Variants in SPAG17 observed in about 807,000 individuals in gnomAD.
SPAG17 encodes sperm associated antigen 17.
Under a neutral mutation model 273.6 loss-of-function variants are expected in SPAG17, and 169 were observed. The ratio of observed to expected loss-of-function variants is 0.62; its 90% CI spans 0.55 to 0.70. SPAG17 has a LOEUF of 0.70. Ranked by LOEUF, SPAG17 falls within the 30% of genes least tolerant of loss-of-function variation. The pLI is 0.00. For synonymous variants in SPAG17, 825 were observed against 873.2 expected, an observed-to-expected ratio of 0.94 and a Z score of 0.97; for missense variants, 2,557 against 2,627.8, an observed-to-expected ratio of 0.97 and a Z score of 0.59.
intron 29 of SPAG17, among the ~76,000 whole-genome samples, chr1:118,013,403 T>C (rs527589481): frequency 4.3e-4 from 65 of 152,262 alleles, no homozygotes; most frequent in African/African-American, 1.5e-3. Flanking sequence ...TAGGTTCTTA[T>C]CATTGGTGCT....
intron 30 of SPAG17, among the ~76,000 whole-genome samples, chr1:118,010,279 C>T (rs559135801): frequency 3.0e-5 from 4 of 132,852 alleles, no homozygotes; most frequent in East Asian, 4.1e-4. Context: ...TGGAGGCAAC[C>T]GTAACCGTGC....
intron 25 of SPAG17, 145 bp downstream of exon 25, chr1:118,031,547 A>C: frequency 1.2e-6 from 1 of 847,852 alleles, no homozygotes; most frequent in Non-Finnish European, 1.8e-6. Context: ...TTGTCTATTC[A>C]AAGTTGAGAC....
At chr1:118,123,024 T>G (rs1448374265) in intron 3 of SPAG17, among the ~76,000 whole-genome samples, 2 of 152,132 alleles carry the variant, frequency 1.3e-5, no homozygotes, top group African/African-American at 4.8e-5. Flanking sequence ...GAAGCAGAGA[T>G]AAAAAGAAAA....
intron 10 of SPAG17, among the ~76,000 whole-genome samples, chr1:118,089,215 T>C (rs1461315025): frequency 6.6e-6 from 1 of 152,094 alleles, no homozygotes; most frequent in African/African-American, 2.4e-5. Context: ...GATTGACACT[T>C]CTACTGGAGA....
intron 10 of SPAG17, among the ~76,000 whole-genome samples, chr1:118,089,164 A>C (rs1473938174): frequency 6.6e-6 from 1 of 152,158 alleles, no homozygotes; most frequent in Admixed American, 6.6e-5. Context: ...GTGTGGGGAG[A>C]GGGTTCTTTA....
chr1:118,159,488 ACTTAGGGTC>A (rs1659806884), intron 1 of SPAG17, among the ~76,000 whole-genome samples: 1 of 152,190 alleles, frequency 6.6e-6, no homozygotes, highest in Non-Finnish European at 1.5e-5. Context: ...GAATGAATAC[ACTTAGGGTC>A]CTTTTGTAAA....
At chr1:118,172,244 T>A (rs557133912) in intron 1 of SPAG17, among the ~76,000 whole-genome samples, 1 of 152,326 alleles carries the variant, frequency 6.6e-6, no homozygotes, top group Admixed American at 6.5e-5. Context: ...AAAAGCTTTA[T>A]CATAAAGTAA....
chr1:118,118,627 A>C (rs1657238362), intron 3 of SPAG17, among the ~76,000 whole-genome samples: 1 of 152,306 alleles, frequency 6.6e-6, no homozygotes, highest in East Asian at 1.9e-4. Flanking sequence ...TGACCTCTTC[A>C]GGTCAGCTCT....
At chr1:118,074,465 G>T in intron 16 of SPAG17, 74 bp downstream of exon 16, 7 of 1,240,176 alleles carry the variant, frequency 5.6e-6, no homozygotes, top group Admixed American at 3.5e-5. Flanking sequence ...TTCTTTTTCA[G>T]TGTTTCTTAC....
At position 118,023,527 on chromosome 1, in the gene SPAG17, C is replaced by T. The variant is rs1169109485; in HGVS notation, c.3910-64G>A. 48 of 1,490,656 alleles carry T rather than the reference C, an allele frequency of 3.2e-5. No homozygotes were observed. In the East Asian group the frequency reaches 3.2e-4, roughly 10 times the overall value. The allele number at this position is 1,490,656 out of a possible 1,614,324, so 92.3% of individuals were successfully genotyped here. Reference sequence around the variant, plus strand: ...AAGAGAGAGGTTGTTTAACAATAAACGCTGTGTGTCAAATGGAAATAGCTT... The same window carrying T: ...AAGAGAGAGGTTGTTTAACAATAAATGCTGTGTGTCAAATGGAAATAGCTT... On this transcript the variant is annotated intron_variant, in intron 27 of 48. Coordinates refer to ENST00000336338, the MANE Select transcript of SPAG17 (RefSeq NM_206996.4).
At chr1:118,145,589 T>C (rs879567592) in intron 3 of SPAG17, among the ~76,000 whole-genome samples, 7 of 152,182 alleles carry the variant, frequency 4.6e-5, no homozygotes, top group Non-Finnish European at 7.4e-5. Context: ...CAGAAAAATC[T>C]TTCCACATTT....
chr1:118,174,725 G>C (rs1490532933), intron 1 of SPAG17, among the ~76,000 whole-genome samples: 2 of 152,162 alleles, frequency 1.3e-5, no homozygotes, highest in Non-Finnish European at 2.9e-5. Flanking sequence ...AGGGAAAAGT[G>C]ACCCTTTATG....
intron 48 of SPAG17, chr1:117,954,739 C>T: frequency 9.1e-7 from 1 of 1,093,184 alleles, no homozygotes; most frequent in Non-Finnish European, 1.3e-6. Context: ...AATACTTTGT[C>T]TTCAAAAGTC....
At chr1:117,959,680 CTCA>C in intron 48 of SPAG17, 1 of 358,418 alleles carries the variant, frequency 2.8e-6, no homozygotes, top group South Asian at 8.7e-5. Context: ...TTTCTGTGCT[CTCA>C]AAGCTTGAGC....
chr1:118,085,887 A>G, intron 13 of SPAG17, 35 bp downstream of exon 13: 1 of 1,538,416 alleles, frequency 6.5e-7, no homozygotes, highest in Non-Finnish European at 8.7e-7. Context: ...CATTAATTAA[A>G]TTGAGTTTAA....
In SPAG17 at chr1:117,966,686, GC is replaced by G; in HGVS notation, c.6454del (p.Ala2152ProfsTer14). On this transcript the variant is annotated frameshift_variant, in exon 47 of 49. Coordinates refer to ENST00000336338, the MANE Select transcript of SPAG17 (RefSeq NM_206996.4). LOFTEE classifies it high-confidence loss of function. ...GTGAGAGATGTGTGCTGATCCCTTG[GC>G]CCCATCCTCTCCAACAGCTGTGGCA... ...LFATAVGEDGAKGSAHISHNI... is the reference protein window; with the variant it reads ...LFATAVGEDGXKGSAHISHNI... 6.2e-7 allele frequency: 1 copy of G among 1,613,854 alleles called. No homozygotes were observed. Among genetic ancestry groups the G allele is most frequent in the Non-Finnish European group, 8.5e-7 (1 of 1,179,934 alleles).
chr1:118,183,276 C>G (rs1010706810), intron 1 of SPAG17, among the ~76,000 whole-genome samples: 10 of 152,124 alleles, frequency 6.6e-5, no homozygotes, highest in African/African-American at 2.4e-4. Flanking sequence ...AACAATAGAG[C>G]ACACTACGTG....
intron 1 of SPAG17, among the ~76,000 whole-genome samples, chr1:118,169,466 A>C (rs955085683): frequency 6.6e-6 from 1 of 152,242 alleles, no homozygotes; most frequent in Non-Finnish European, 1.5e-5. Flanking sequence ...TCTTCAGCTC[A>C]TATTATGAGT....
At position 118,081,398 on chromosome 1, in the gene SPAG17, C is replaced by T. The variant is rs376082592; in HGVS notation, c.1990+17G>A. On this transcript the variant is annotated intron_variant, in intron 14 of 48. Coordinates refer to ENST00000336338, the MANE Select transcript of SPAG17 (RefSeq NM_206996.4). ...ATAAAATACAAGAATGCTTTCCATTCCCTCCATGCAGTGTACCTGCTTTCT... is the reference window on the plus strand; with the variant it reads ...ATAAAATACAAGAATGCTTTCCATTTCCTCCATGCAGTGTACCTGCTTTCT... 3.7e-6 allele frequency: 6 copies of T among 1,612,310 alleles called. No homozygotes were observed. Among genetic ancestry groups the T allele is most frequent in the Non-Finnish European group, 4.2e-6 (5 of 1,178,764 alleles).
Sources: gnomAD v4.1 joint callset for allele counts (sites outside exome capture counted in the v4.1 genomes callset) on GRCh38, gnomAD v4.1.1 for gene constraint, MANE v1.5 for transcripts, NCBI Gene and HGNC (gene_info 2026-07-23, HGNC 2026-07-21) for gene names.